AKAP13: variants seen among roughly 807,000 people sequenced by gnomAD.
AKAP13 encodes the protein A-kinase anchor protein 13.
A neutral mutation model predicts 264.5 loss-of-function variants in AKAP13; 80 were observed. That is an observed-to-expected ratio of 0.30 (90% confidence interval 0.25 to 0.36). AKAP13 has a LOEUF of 0.36. Among genes scored for constraint, AKAP13 ranks in the 10% least tolerant of loss-of-function variants. The probability of loss-of-function intolerance (pLI) is 1.00; values close to 1 mark genes in which losing one functional copy is unlikely to be tolerated. For missense variants in AKAP13, 3,712 were observed against 3,435.2 expected, an observed-to-expected ratio of 1.08 and a Z score of -2.01; for synonymous variants, 1,380 against 1,250.2, an observed-to-expected ratio of 1.10 and a Z score of -2.19.
intron 30 of AKAP13, among the ~76,000 whole-genome samples, chr15:85,734,118 C>T (rs898806529): frequency 6.6e-6 from 1 of 151,316 alleles, no homozygotes; most frequent in African/African-American, 2.4e-5. Context: ...CAGGCATGAG[C>T]CACTGCACCC....
At chr15:85,719,868 T>C (rs911617578) in intron 23 of AKAP13, among the ~76,000 whole-genome samples, 3 of 151,248 alleles carry the variant, frequency 2.0e-5, no homozygotes, top group Admixed American at 6.6e-5. Context: ...TGAGCCGAGC[T>C]CATGCCACTG....
chr15:85,387,935 A>G (rs564601973), intron 1 of AKAP13, among the ~76,000 whole-genome samples: 1 of 152,234 alleles, frequency 6.6e-6, no homozygotes, highest in South Asian at 2.1e-4. Context: ...TTAGTAATAG[A>G]AGCTTTTTTT....
At position 85,600,091 on chromosome 15, in the gene AKAP13, A is replaced by G. The variant is rs958203631; in HGVS notation, c.4161+14268A>G. ...AGCAGGAAGAAGGGAGGTAGCAAAAAGGACAGAGAAGGTGAAGGAGACCTT... is the reference window on the plus strand; with the variant it reads ...AGCAGGAAGAAGGGAGGTAGCAAAAGGGACAGAGAAGGTGAAGGAGACCTT... On this transcript the variant is annotated intron_variant, in intron 8 of 36. Coordinates refer to ENST00000394518, the MANE Select transcript of AKAP13 (RefSeq NM_007200.5). 3.3e-5 allele frequency among the ~76,000 whole-genome samples: 5 copies of G among 152,108 alleles called. 1 individual carries two copies. Among genetic ancestry groups the G allele is most frequent in the Admixed American group, 6.5e-5 (1 of 15,280 alleles).
rs1160050565 is a variant in AKAP13, at chr15:85,458,386, G to GTTTTTTTTTTTTTTTTTTT, written c.-11-27318_-11-27317insTTTTTTTTTTTTTTTTTTT. ...TTTTTTCTCTTTTTTTGTATTTTTT[G>GTTTTTTTTTTTTTTTTTTT]TTTTTTGTTTTTTTTTTTTTTTACT... On this transcript the variant is annotated intron_variant, in intron 1 of 36. Coordinates refer to ENST00000394518, the MANE Select transcript of AKAP13 (RefSeq NM_007200.5). Among the ~76,000 whole-genome samples, 9 of 103,886 alleles carry GTTTTTTTTTTTTTTTTTTT rather than the reference G, an allele frequency of 8.7e-5. 2 individuals are homozygous for GTTTTTTTTTTTTTTTTTTT. Among genetic ancestry groups the GTTTTTTTTTTTTTTTTTTT allele is most frequent in the African/African-American group, 4.6e-4 (9 of 19,554 alleles). 68.2% of individuals were successfully genotyped at this position (103,886 alleles called of 152,430 possible). A position where few individuals can be genotyped will look rare whatever the true frequency, so the allele number is the denominator to read the frequency against.
intron 1 of AKAP13, among the ~76,000 whole-genome samples, chr15:85,463,211 A>G (rs932567909): frequency 2.1e-4 from 32 of 152,144 alleles, no homozygotes; most frequent in African/African-American, 6.3e-4. Context: ...TAAAAGGTCT[A>G]TAATATGCAT....
intron 2 of AKAP13, among the ~76,000 whole-genome samples, chr15:85,508,748 A>G (rs765153968): frequency 2.0e-5 from 3 of 152,192 alleles, no homozygotes; most frequent in African/African-American, 4.8e-5. Flanking sequence ...CTCGCCTTCC[A>G]TCCAGTGTTC....
chr15:85,453,815 TG>T (rs1372753472), intron 1 of AKAP13, among the ~76,000 whole-genome samples: 1 of 151,468 alleles, frequency 6.6e-6, no homozygotes, highest in Non-Finnish European at 1.5e-5. Flanking sequence ...AGAGCTTGGG[TG>T]GGGGTGGCTG....
chr15:85,458,637 AGATTTCTACTGCGTTGAAAC>A (rs1733144139), intron 1 of AKAP13, among the ~76,000 whole-genome samples: 1 of 152,024 alleles, frequency 6.6e-6, no homozygotes. Context: ...CGTATTAGAC[AGATTTCTACTGCGTTGAAAC>A]TTAGGGTGAT....
intron 1 of AKAP13, among the ~76,000 whole-genome samples, chr15:85,418,825 A>G (rs1217059215): frequency 6.6e-6 from 1 of 152,252 alleles, no homozygotes; most frequent in African/African-American, 2.4e-5. Flanking sequence ...TCGCATAGTT[A>G]TCATTAATAA....
intron 1 of AKAP13, among the ~76,000 whole-genome samples, chr15:85,462,650 A>T (rs887053663): frequency 3.3e-5 from 5 of 152,222 alleles, no homozygotes; most frequent in African/African-American, 9.6e-5. Context: ...TACTATACTC[A>T]TTTACACACA....
At position 85,580,239 on chromosome 15, in the gene AKAP13, A is replaced by T; in HGVS notation, c.2171A>T (p.Asp724Val). The T allele has an allele frequency of 6.2e-7, 1 of 1,614,230 alleles. No homozygotes were observed. The highest frequency in any genetic ancestry group is 1.1e-5 in the South Asian group (1 of 91,090). ...AHTVTSDPVR[D>V]TQERADFCPF... Reference sequence around the variant, plus strand: ...ACAGTCACCTCTGACCCTGTAAGGGATACCCAGGAACGTGCGGATTTTTGT... The same window carrying T: ...ACAGTCACCTCTGACCCTGTAAGGGTTACCCAGGAACGTGCGGATTTTTGT... Residue 724 changes from aspartate to valine, a missense_variant, in exon 7 of 37, where the codon GAT becomes GTT. This residue lies in a region of AKAP13 where 2,759 missense variants were observed against 2,411.7 expected (regional missense o/e 1.14). Coordinates refer to ENST00000394518, the MANE Select transcript of AKAP13 (RefSeq NM_007200.5).
intron 26 of AKAP13, among the ~76,000 whole-genome samples, chr15:85,725,170 A>G (rs2087540563): frequency 6.6e-6 from 1 of 152,244 alleles, no homozygotes; most frequent in Admixed American, 6.5e-5. Context: ...AGCCAGCGGC[A>G]GAACGATAGG....
In AKAP13 at chr15:85,441,767, GT is replaced by G. The variant is rs58189804; in HGVS notation, c.-11-43933del. ...CCATTTATTGACAAGTCTCTTAAAA[GT>G]TTTTTTTTTCTGTTAAACTGTATTA... On this transcript the variant is annotated intron_variant, in intron 1 of 36. Transcript: ENST00000394518. 4.0e-5 allele frequency among the ~76,000 whole-genome samples: 6 copies of G among 150,200 alleles called. No homozygotes were observed. In the East Asian group the frequency reaches 7.8e-4, roughly 20 times the overall value.
chr15:85,426,379 C>T (rs1286701449), intron 1 of AKAP13, among the ~76,000 whole-genome samples: 2 of 152,200 alleles, frequency 1.3e-5, no homozygotes, highest in Admixed American at 1.3e-4. Context: ...TCTGTGATTA[C>T]TGTCTAGGAT....
chr15:85,691,880 T>A (rs1204081583), intron 16 of AKAP13: 1 of 489,082 alleles, frequency 2.0e-6, no homozygotes, highest in East Asian at 6.0e-5. Flanking sequence ...GAGCACGGCG[T>A]AGGAAGCTTA....
At chr15:85,666,544 T>G (rs895324902) in intron 13 of AKAP13, among the ~76,000 whole-genome samples, 3 of 152,116 alleles carry the variant, frequency 2.0e-5, no homozygotes, top group African/African-American at 7.2e-5. Context: ...TTTTAAAATT[T>G]TATTTATTTA....
At chr15:85,631,500 TCTCACA>T (rs780248843) in intron 8 of AKAP13, among the ~76,000 whole-genome samples, 3,234 of 79,456 alleles carry the variant, frequency 0.041, 48 homozygotes, top group Non-Finnish European at 0.055. Context: ...TCTCTCTCTC[TCTCACA>T]CACACACACA....
chr15:85,442,388 T>G (rs2073693525), intron 1 of AKAP13, among the ~76,000 whole-genome samples: 1 of 131,500 alleles, frequency 7.6e-6, no homozygotes, highest in Admixed American at 8.0e-5. Context: ...CCAGCCTGGG[T>G]GATAGAGCAA....
chr15:85,507,999 T>C (rs1204974853), intron 2 of AKAP13, among the ~76,000 whole-genome samples: 1 of 152,028 alleles, frequency 6.6e-6, no homozygotes, highest in Non-Finnish European at 1.5e-5. Flanking sequence ...CCCTCCTCCT[T>C]TTCTCTGTGG....
Sources: allele counts gnomAD v4.1 joint callset (sites outside exome capture counted in the v4.1 genomes callset), GRCh38; gene constraint gnomAD v4.1.1; regional missense constraint gnomAD v4.1.1; transcripts MANE v1.5; gene names NCBI Gene and HGNC (gene_info 2026-07-23, HGNC 2026-07-21).